Variants in KCNH1 observed in about 807,000 individuals in gnomAD.
KCNH1 encodes potassium voltage-gated channel subfamily H member 1, also known as voltage-gated delayed rectifier potassium channel KCNH1.
In KCNH1, 27 loss-of-function variants were observed where a neutral mutation model predicts 69.2. The ratio of observed to expected loss-of-function variants is 0.39; its 90% confidence interval spans 0.29 to 0.54. KCNH1 has a LOEUF of 0.54. Ranked by LOEUF, KCNH1 falls within the 20% of genes least tolerant of loss-of-function variation. KCNH1 has a pLI of 0.68. For synonymous variants in KCNH1, 456 were observed against 487.7 expected (o/e 0.93, Z 0.86); for missense variants, 798 against 1,261.6 (o/e 0.63, Z 5.57).
rs547230715 is a variant in KCNH1 at position 210,879,432 on chromosome 1, G to C, written c.1462+40208C>G. Among the ~76,000 whole-genome samples, 4 of 151,990 alleles carry C rather than the reference G, an allele frequency of 2.6e-5. No individual in the cohort carries two copies. The East Asian group carries it at 7.7e-4, about 29-fold the overall frequency. On this transcript the variant is annotated intron_variant, in intron 7 of 10. Transcript: ENST00000271751. ...CAAAAACAAGTGGAATTCCAGATAT[G>C]CAAGGCCAGTTCAACATTCAAAAAT...
chr1:210,819,170 A>C (rs1217311730), intron 7 of KCNH1, among the ~76,000 whole-genome samples: 2 of 152,210 alleles, frequency 1.3e-5, no homozygotes, highest in African/African-American at 2.4e-5. Context: ...AGGAAGAGTT[A>C]ATTGAAGAAA....
chr1:210,983,223 C>T (rs1352302492), intron 6 of KCNH1, among the ~76,000 whole-genome samples: 2 of 152,128 alleles, frequency 1.3e-5, no homozygotes, highest in Non-Finnish European at 2.9e-5. Flanking sequence ...TGTAGGTTGC[C>T]TGTTCACTCT....
At chr1:210,892,272 G>A (rs1686766558) in intron 7 of KCNH1, among the ~76,000 whole-genome samples, 1 of 151,140 alleles carries the variant, frequency 6.6e-6, no homozygotes, top group African/African-American at 2.4e-5. Context: ...TTCCCTGGAT[G>A]CCTGAAACTC....
chr1:211,093,466 G>A (rs1042404008), intron 3 of KCNH1, among the ~76,000 whole-genome samples: 7 of 151,954 alleles, frequency 4.6e-5, no homozygotes, highest in African/African-American at 1.2e-4. Context: ...TTGTATTTTT[G>A]GTAGAGATGG....
At chr1:210,879,486 A>G (rs565525436) in intron 7 of KCNH1, among the ~76,000 whole-genome samples, 1 of 152,216 alleles carries the variant, frequency 6.6e-6, no homozygotes, top group African/African-American at 2.4e-5. Flanking sequence ...TGTTGCATCA[A>G]CAAGCTAAAA....
intron 7 of KCNH1, among the ~76,000 whole-genome samples, chr1:210,875,346 T>C (rs977680403): frequency 3.3e-5 from 5 of 152,048 alleles, no homozygotes; most frequent in Non-Finnish European, 7.4e-5. Flanking sequence ...AAAAATACAG[T>C]AGGAATGAAG....
chr1:211,103,465 A>C (rs879777396), intron 3 of KCNH1, 31 bp downstream of exon 3: 1 of 1,366,038 alleles, frequency 7.3e-7, no homozygotes. Flanking sequence ...AAACACATAA[A>C]GGTATGGTTC....
chr1:211,075,811 G>A (rs76044415), intron 5 of KCNH1, among the ~76,000 whole-genome samples: 2 of 152,232 alleles, frequency 1.3e-5, no homozygotes, highest in African/African-American at 4.8e-5. Flanking sequence ...GGGATCGGGG[G>A]ATTTCCCTTT....
At chr1:211,071,135 T>C (rs74156886) in intron 5 of KCNH1, among the ~76,000 whole-genome samples, 13 of 152,192 alleles carry the variant, frequency 8.5e-5, no homozygotes, top group African/African-American at 2.9e-4. Flanking sequence ...TTCACAGTAA[T>C]GTACTGTATT....
At chr1:210,689,122 C>G (rs1435038302) in intron 10 of KCNH1, among the ~76,000 whole-genome samples, 1 of 152,234 alleles carries the variant, frequency 6.6e-6, no homozygotes, top group Admixed American at 6.5e-5. Flanking sequence ...TCGCACCAAG[C>G]CAACAGCCCT....
At chr1:210,696,964 T>C (rs1246876190) in intron 10 of KCNH1, among the ~76,000 whole-genome samples, 1 of 152,176 alleles carries the variant, frequency 6.6e-6, no homozygotes, top group Non-Finnish European at 1.5e-5. Flanking sequence ...ATGCTAACCA[T>C]TTTACATACC....
intron 4 of KCNH1, among the ~76,000 whole-genome samples, chr1:211,087,828 T>C (rs1690984515): frequency 2.6e-5 from 4 of 152,134 alleles, no homozygotes; most frequent in Admixed American, 2.6e-4. Context: ...AAAAGGATGG[T>C]GAGAACTGGT....
At chr1:210,952,414 T>G (rs181234022) in intron 6 of KCNH1, among the ~76,000 whole-genome samples, 1 of 152,218 alleles carries the variant, frequency 6.6e-6, no homozygotes, top group Non-Finnish European at 1.5e-5. Flanking sequence ...GTCCTTACTA[T>G]GTGCAGGTGC....
At chr1:210,904,293 C>T (rs1558519108) in intron 7 of KCNH1, among the ~76,000 whole-genome samples, 6 of 152,128 alleles carry the variant, frequency 3.9e-5, no homozygotes, top group Admixed American at 2.6e-4. Flanking sequence ...TATCAGAAGC[C>T]TCCACACCAT....
chr1:210,948,235 C>T (rs10863870), intron 6 of KCNH1, among the ~76,000 whole-genome samples: 58,241 of 150,862 alleles, frequency 0.39, 11,522 homozygotes, highest in Non-Finnish European at 0.43. Context: ...GGATACAAAG[C>T]ATTTTTTACA....
chr1:210,720,031 G>C (rs985184139), intron 10 of KCNH1, among the ~76,000 whole-genome samples: 2 of 152,170 alleles, frequency 1.3e-5, no homozygotes, highest in Non-Finnish European at 2.9e-5. Flanking sequence ...TTCACCCTCT[G>C]AGAACAAGGG....
At chr1:211,000,516 C>T (rs986917056) in intron 6 of KCNH1, among the ~76,000 whole-genome samples, 3 of 152,096 alleles carry the variant, frequency 2.0e-5, no homozygotes, top group East Asian at 1.9e-4. Context: ...TAAAAGAGGA[C>T]ACAAACAAAT....
intron 3 of KCNH1, among the ~76,000 whole-genome samples, chr1:211,096,938 G>C (rs972239717): frequency 6.6e-6 from 1 of 152,084 alleles, no homozygotes; most frequent in Non-Finnish European, 1.5e-5. Flanking sequence ...ACTTACAAAG[G>C]GGTCAGACCC....
intron 7 of KCNH1, chr1:210,858,433 C>T (rs1360202015): frequency 2.0e-5 from 3 of 152,192 alleles, no homozygotes; most frequent in Non-Finnish European, 4.4e-5. Context: ...ATTGCTAGTT[C>T]ATTTTTAAAT....
Sources: allele counts gnomAD v4.1 joint callset (sites outside exome capture counted in the v4.1 genomes callset), GRCh38; gene constraint gnomAD v4.1.1; transcripts MANE v1.5; gene names NCBI Gene and HGNC (gene_info 2026-07-23, HGNC 2026-07-21).